The following DCC variants were observed in gnomAD, a reference collection of about 807,000 sequenced individuals.
DCC encodes netrin receptor DCC.
A neutral mutation model predicts 172.5 loss-of-function variants in DCC; 58 were observed. The observed-to-expected ratio is 0.34, with a 90% CI of 0.27 to 0.42. The LOEUF (loss-of-function observed/expected upper bound fraction) is 0.42, where lower values mean the gene tolerates loss of function less well. DCC is among the 10% of genes least tolerant of loss of function. DCC has a pLI of 1.00. For missense variants in DCC, 1,740 were observed against 1,791.0 expected (o/e 0.97, Z 0.51); for synonymous variants, 709 against 644.5 (o/e 1.10, Z -1.52).
intron 15 of DCC, among the ~76,000 whole-genome samples, chr18:53,354,449 G>A (rs1437123189): frequency 3.3e-5 from 5 of 151,962 alleles, no homozygotes; most frequent in Admixed American, 6.6e-5. Flanking sequence ...TTTAATGCTC[G>A]CCATTCTAAC....
intron 1 of DCC, among the ~76,000 whole-genome samples, chr18:52,746,911 G>GA (rs571435890): frequency 0.028 from 3,526 of 125,700 alleles, 77 homozygotes; most frequent in African/African-American, 0.075. Context: ...TCATTTTACA[G>GA]AAAAAAAAAA....
chr18:53,072,348 A>G (rs1040317128), intron 7 of DCC, among the ~76,000 whole-genome samples: 6 of 152,216 alleles, frequency 3.9e-5, no homozygotes, highest in Non-Finnish European at 8.8e-5. Context: ...GTTAGCAATT[A>G]TCTGGAGCTG....
chr18:52,652,560 C>T (rs965652341), intron 1 of DCC, among the ~76,000 whole-genome samples: 1 of 152,086 alleles, frequency 6.6e-6, no homozygotes, highest in African/African-American at 2.4e-5. Flanking sequence ...AAGAGGTTTC[C>T]GTGGCTCTGC....
chr18:52,899,490 G>T (rs1598910712), intron 2 of DCC, among the ~76,000 whole-genome samples: 1 of 151,094 alleles, frequency 6.6e-6, no homozygotes, highest in Non-Finnish European at 1.5e-5. Flanking sequence ...AGTAGCTGGG[G>T]TTACAGACAT....
At chr18:52,758,617 T>A (rs182493342) in intron 2 of DCC, among the ~76,000 whole-genome samples, 1 of 151,744 alleles carries the variant, frequency 6.6e-6, no homozygotes, top group Non-Finnish European at 1.5e-5. Context: ...GAAGCTAGAA[T>A]GAAGCATTTT....
In DCC at chr18:52,715,769, A is replaced by G. The variant is rs74486161; in HGVS notation, c.92-36285A>G. On this transcript the variant is annotated intron_variant, in intron 1 of 28. Coordinates refer to ENST00000442544, the MANE Select transcript of DCC (RefSeq NM_005215.4). ...CATACAGAGCCTTAATGTGTCATCAATCTACCATCCTCTTCCCACCCCTGT... is the reference window on the plus strand; with the variant it reads ...CATACAGAGCCTTAATGTGTCATCAGTCTACCATCCTCTTCCCACCCCTGT... Among the ~76,000 whole-genome samples the G allele has an allele frequency of 1.9e-3, 290 of 152,246 alleles. 1 individual carries two copies. The highest frequency in any genetic ancestry group is 6.5e-3 in the African/African-American group (272 of 41,564).
At chr18:52,907,046 C>A (rs1311865447) in intron 3 of DCC, among the ~76,000 whole-genome samples, 1 of 151,742 alleles carries the variant, frequency 6.6e-6, no homozygotes, top group South Asian at 2.1e-4. Flanking sequence ...ACAACACTTA[C>A]ATTTCATCTA....
chr18:53,259,756 C>T (rs2144678726), intron 12 of DCC, among the ~76,000 whole-genome samples: 1 of 152,212 alleles, frequency 6.6e-6, no homozygotes. Context: ...GAATATTGGC[C>T]TGCCTTGGTA....
At chr18:53,233,649 A>G (rs941237707) in intron 12 of DCC, among the ~76,000 whole-genome samples, 1 of 152,212 alleles carries the variant, frequency 6.6e-6, no homozygotes, top group Admixed American at 6.5e-5. Flanking sequence ...GATTTTACTT[A>G]AAACTCTTCC....
chr18:53,075,481 G>T (rs1027078759), intron 7 of DCC, among the ~76,000 whole-genome samples: 4 of 151,064 alleles, frequency 2.6e-5, no homozygotes, highest in Admixed American at 6.6e-5. Flanking sequence ...TGGAAAACTT[G>T]ATAGATTCAT....
At chr18:53,002,359 C>CCCTGACAATACAGAAATTCA (rs1866262016) in intron 5 of DCC, among the ~76,000 whole-genome samples, 1 of 151,998 alleles carries the variant, frequency 6.6e-6, no homozygotes, top group African/African-American at 2.4e-5. Context: ...TTATAAATGC[C>CCCTGACAATACAGAAATTCA]CCTGACAATA....
At chr18:52,990,134 A>ACG (rs759679679) in intron 5 of DCC, among the ~76,000 whole-genome samples, 153 of 152,194 alleles carry the variant, frequency 1.0e-3, no homozygotes, top group Admixed American at 1.9e-3. Context: ...AACCATAGTA[A>ACG]GTTGGTGGTA....
intron 12 of DCC, among the ~76,000 whole-genome samples, chr18:53,267,108 T>TCA (rs2056684676): frequency 2.1e-5 from 3 of 144,160 alleles, no homozygotes; most frequent in Non-Finnish European, 4.7e-5. Flanking sequence ...ACACTCTCTC[T>TCA]CTCACACACA....
chr18:52,983,891 G>A (rs1365049853), intron 5 of DCC, among the ~76,000 whole-genome samples: 5 of 152,228 alleles, frequency 3.3e-5, no homozygotes, highest in South Asian at 2.1e-4. Context: ...ATGACTGGTC[G>A]TTTTTCATTG....
intron 15 of DCC, among the ~76,000 whole-genome samples, chr18:53,355,443 A>G (rs1221659986): frequency 6.6e-6 from 1 of 151,924 alleles, no homozygotes; most frequent in East Asian, 1.9e-4. Context: ...GTCCTCTTTT[A>G]TTTTGCTGAG....
chr18:52,983,987 A>G (rs1430464581), intron 5 of DCC, among the ~76,000 whole-genome samples: 1 of 152,086 alleles, frequency 6.6e-6, no homozygotes, highest in Non-Finnish European at 1.5e-5. Flanking sequence ...AATGTTTACT[A>G]TTTCAGAAAG....
chr18:52,632,262 C>T (rs1053691204), intron 1 of DCC, among the ~76,000 whole-genome samples: 3 of 152,024 alleles, frequency 2.0e-5, no homozygotes, highest in South Asian at 2.1e-4. Flanking sequence ...TCAACTACAG[C>T]GTAAGTTCCA....
intron 1 of DCC, among the ~76,000 whole-genome samples, chr18:52,466,883 A>G (rs1026191115): frequency 1.5e-4 from 23 of 152,166 alleles, no homozygotes; most frequent in Admixed American, 1.5e-3. Context: ...TGCCTTTATT[A>G]TTATCTAAAT....
At chr18:53,175,186 A>G (rs954944717) in intron 8 of DCC, among the ~76,000 whole-genome samples, 1 of 152,148 alleles carries the variant, frequency 6.6e-6, no homozygotes, top group African/African-American at 2.4e-5. Context: ...TCCAAATAAT[A>G]AGAGCTATCT....
Sources: gnomAD v4.1 joint callset for allele counts (sites outside exome capture counted in the v4.1 genomes callset) on GRCh38, gnomAD v4.1.1 for gene constraint, MANE v1.5 for transcripts, NCBI Gene and HGNC (gene_info 2026-07-23, HGNC 2026-07-21) for gene names.